The following CDHR2 variants were observed in gnomAD, a reference collection of about 807,000 sequenced individuals.
CDHR2 encodes the protein cadherin-related family member 2.
Under a neutral mutation model 138.6 loss-of-function variants are expected in CDHR2, and 104 were observed. The observed-to-expected ratio is 0.75, with a 90% CI of 0.64 to 0.88. CDHR2 has a LOEUF of 0.88. CDHR2 is among the 40% of genes least tolerant of loss of function. CDHR2 has a pLI of 0.00. For synonymous variants in CDHR2, 755 were observed against 742.8 expected (o/e 1.02, Z -0.27); for missense variants, 1,624 against 1,727.6 (o/e 0.94, Z 1.06).
Position 176,551,316 on chromosome 5 carries a change from C to T in CDHR2, c.-16+1902C>T, listed in dbSNP as rs187467233. Among the ~76,000 whole-genome samples, 721 of 152,046 alleles carry T rather than the reference C, an allele frequency of 4.7e-3. 4 individuals are homozygous for T. The highest frequency in any genetic ancestry group is 7.8e-3 in the Non-Finnish European group (530 of 67,976). ...CCGAATAGCTGGGATTACAGGTGTGCGCCACCATGCCTGGCTAATTTTTGT... is the reference window on the plus strand; with the variant it reads ...CCGAATAGCTGGGATTACAGGTGTGTGCCACCATGCCTGGCTAATTTTTGT... On this transcript the variant is annotated intron_variant, in intron 1 of 31. Coordinates refer to ENST00000261944, the MANE Select transcript of CDHR2 (RefSeq NM_017675.6).
intron 31 of CDHR2, among the ~76,000 whole-genome samples, 177 bp from the exon 32 acceptor site, chr5:176,595,355 C>T (rs1300003073): frequency 6.6e-6 from 1 of 152,174 alleles, no homozygotes; most frequent in South Asian, 2.1e-4. Context: ...TCTGCATCAC[C>T]ATTAGCCAGG....
chr5:176,577,903 G>A (rs1758434470), intron 14 of CDHR2, 105 bp downstream of exon 14: 1 of 1,463,840 alleles, frequency 6.8e-7, no homozygotes, highest in South Asian at 1.3e-5. Context: ...GGGTGGCCAT[G>A]AGTGAATCTG....
rs75309017 is a variant in CDHR2, at chr5:176,576,421, C to A, written c.1194+236C>A. 0.056 allele frequency among the ~76,000 whole-genome samples: 8,543 copies of A among 152,012 alleles called. 341 individuals are homozygous for A. Among genetic ancestry groups the A allele is most frequent in the African/African-American group, 0.11 (4,386 of 41,424 alleles). ...ATGCTGAGTGGAGGCTGACGTAGAACGTCAGATGATGCTGAGTAGAACATC... is the reference window on the plus strand; with the variant it reads ...ATGCTGAGTGGAGGCTGACGTAGAAAGTCAGATGATGCTGAGTAGAACATC... On this transcript the variant is annotated intron_variant, in intron 12 of 31. Coordinates refer to ENST00000261944, the MANE Select transcript of CDHR2 (RefSeq NM_017675.6). This position sits in a 1 kb window ranked among gnomAD's most constrained non-coding sequence, Gnocchi z 4.5.
Position 176,590,326 on chromosome 5 carries a change from A to C in CDHR2, c.3349A>C (p.Ser1117Arg). 1.9e-6 allele frequency: 3 copies of C among 1,613,984 alleles called. No homozygotes were observed. The highest frequency in any genetic ancestry group is 2.5e-6 in the Non-Finnish European group (3 of 1,179,982). ...GTCAGCCCTGACCCTTGATGAGCTGAGTGTGTGAGTGGGGCTGCCCTTGGG... is the reference window on the plus strand; with the variant it reads ...GTCAGCCCTGACCCTTGATGAGCTGCGTGTGTGAGTGGGGCTGCCCTTGGG... ...NGSALTLDEL[S>R]VMIRNDQDSL... Residue 1117 changes from serine to arginine, a missense_variant, in exon 26 of 32, where the codon AGT becomes CGT. By Grantham distance (110) the Ser-to-Arg change is moderately radical (BLOSUM62 -1). Coordinates refer to ENST00000261944, the MANE Select transcript of CDHR2 (RefSeq NM_017675.6).
In CDHR2 at chr5:176,592,727, A is replaced by C; in HGVS notation, c.3739A>C (p.Asn1247His). Residue 1247 changes from asparagine to histidine, a missense_variant, in exon 31 of 32, where the codon AAC becomes CAC. Around this residue, in one of 3 missense-constraint regions of CDHR2, gnomAD observed 556 missense variants for 565.7 expected, o/e 0.98. Coordinates refer to ENST00000261944, the MANE Select transcript of CDHR2 (RefSeq NM_017675.6). ...PSNDLDSVSV[N>H]SLDDNSVDVD... ...GCTCCATCACCTCTCTTACAGCGTC[A>C]ACTCCCTGGACGACAACTCTGTGGA... is the stretch of plus-strand genomic sequence containing the variant. 6.2e-7 allele frequency: 1 copy of C among 1,613,780 alleles called. No homozygotes were observed. Among genetic ancestry groups the C allele is most frequent in the Non-Finnish European group, 8.5e-7 (1 of 1,179,816 alleles).
rs766921391 is a variant in CDHR2 at position 176,578,495 on chromosome 5, T to A, written c.1705T>A (p.Ser569Thr). ...QATDGGNLSS[S>T]TTLQIHLLDI... Reference sequence around the variant, plus strand: ...CACAGACGGCGGGAACCTGTCCTCCTCCACCACACTGCAGATCCACCTGCT... The same window carrying A: ...CACAGACGGCGGGAACCTGTCCTCCACCACCACACTGCAGATCCACCTGCT... Residue 569 changes from serine (S) to threonine (T), a missense_variant, in exon 16 of 32, where the codon TCC becomes ACC. Coordinates refer to ENST00000261944, the MANE Select transcript of CDHR2 (RefSeq NM_017675.6). 6.2e-7 allele frequency: 1 copy of A among 1,613,974 alleles called. No individual in the cohort carries two copies. The highest frequency in any genetic ancestry group is 1.7e-5 in the Admixed American group (1 of 59,998).
At position 176,578,617 on chromosome 5, in the gene CDHR2, C is replaced by T. The variant is rs1403356650; in HGVS notation, c.1818+9C>T. 6.2e-7 allele frequency: 1 copy of T among 1,607,242 alleles called. No individual in the cohort carries two copies. The highest frequency in any genetic ancestry group is 1.7e-5 in the Admixed American group (1 of 60,020). On this transcript the variant is annotated intron_variant, in intron 16 of 31. Coordinates refer to ENST00000261944, the MANE Select transcript of CDHR2 (RefSeq NM_017675.6). ...TCTCCGTGACCATCCAGGTGTGAGC[C>T]TGCCTGGACCTGGTGGGTAAGGCTG...
rs1276336486 is a variant in CDHR2, at chr5:176,561,841, T to C, written c.-15-3497T>C. On this transcript the variant is annotated intron_variant, in intron 1 of 31. Coordinates refer to ENST00000261944, the MANE Select transcript of CDHR2 (RefSeq NM_017675.6). ...TTTTAGTAGAGATGGGGTTTCACCA[T>C]GTTGGCCAGGCTGCTCTCAAACTCC... Among the ~76,000 whole-genome samples the C allele has an allele frequency of 3.3e-5, 5 of 152,100 alleles. No homozygotes were observed. The East Asian group carries it at 9.6e-4, about 29-fold the overall frequency.
chr5:176,581,565 G>A lies in CDHR2; in HGVS notation c.2041G>A (p.Val681Ile), dbSNP rs1401892823. The change falls in exon 17 of 32, where the codon GTC becomes ATC. Residue 681 changes from valine to isoleucine, a missense_variant. By Grantham distance (29) the Val-to-Ile change is conservative. Coordinates refer to ENST00000261944, the MANE Select transcript of CDHR2 (RefSeq NM_017675.6). ...GEPVLGTKVN[V>I]TITVEDINDN... ...GCCTGTCCTCGGCACCAAAGTCAAT[G>A]TCACCATCACTGTGGAGGTAAGGCC... 7.4e-6 allele frequency: 12 copies of A among 1,613,864 alleles called. No individual in the cohort carries two copies. The highest frequency in any genetic ancestry group is 1.0e-5 in the Non-Finnish European group (12 of 1,180,040).
intron 24 of CDHR2, 144 bp downstream of exon 24, chr5:176,589,760 C>T: frequency 1.3e-6 from 1 of 742,532 alleles, no homozygotes. Context: ...TGTACTTTCA[C>T]CTGCACGACG....
intron 1 of CDHR2, among the ~76,000 whole-genome samples, chr5:176,557,686 TTTTCTTTCTTTC>T (rs5873539): frequency 2.0e-3 from 278 of 137,060 alleles, no homozygotes; most frequent in African/African-American, 6.3e-3. Flanking sequence ...GTTGATTTTT[TTTTCTTTCTTTC>T]TTTCTTTCTT....
chr5:176,575,827 G>C lies in CDHR2; in HGVS notation c.948G>C (p.Gln316His). 1.3e-6 allele frequency: 2 copies of C among 1,550,578 alleles called. No individual in the cohort carries two copies. Among genetic ancestry groups the C allele is most frequent in the Non-Finnish European group, 8.7e-7 (1 of 1,146,394 alleles). Residue 316 changes from glutamine to histidine, a missense_variant, in exon 11 of 32, where the codon CAG (glutamine) becomes CAC (histidine). This residue lies in a region of CDHR2 where 1,061 missense variants were observed against 1,136.6 expected (regional missense o/e 0.93). Transcript: ENST00000261944. ...TGCTGGAGGCGGATGAGGAGGTGCAGCTGCAGGTCACGGTGAGCAAAGGCC... is the reference window on the plus strand; with the variant it reads ...TGCTGGAGGCGGATGAGGAGGTGCACCTGCAGGTCACGGTGAGCAAAGGCC... ...EQLLEADEEVQLQVTATETHL... is the reference protein window; with the variant it reads ...EQLLEADEEVHLQVTATETHL...
chr5:176,582,792 A>T (rs1758560513), intron 17 of CDHR2, among the ~76,000 whole-genome samples: 1 of 152,122 alleles, frequency 6.6e-6, no homozygotes, highest in East Asian at 1.9e-4. Context: ...AAAAAAAGAA[A>T]CTGAGGCACA....
At chr5:176,595,406 G>A in intron 31 of CDHR2, 126 bp from the exon 32 acceptor site, 1 of 1,063,404 alleles carries the variant, frequency 9.4e-7, no homozygotes, top group Non-Finnish European at 1.3e-6. Context: ...GCCCCAGGAG[G>A]GGCAGGGTGG....
rs565382865 is a variant in CDHR2 at position 176,575,398 on chromosome 5, C to T, written c.740C>T (p.Ser247Leu). The T allele has an allele frequency of 1.8e-5, 29 of 1,614,226 alleles. No homozygotes were observed. The Admixed American group carries it at 2.2e-4, about 12-fold the overall frequency. Residue 247 changes from serine to leucine, a missense_variant, in exon 9 of 32, where the codon TCG (serine) becomes TTG (leucine). Physicochemically the swap from Ser to Leu is moderately radical, Grantham distance 145. This residue lies in a region of CDHR2 where 1,061 missense variants were observed against 1,136.6 expected (regional missense o/e 0.93). Coordinates refer to ENST00000261944, the MANE Select transcript of CDHR2 (RefSeq NM_017675.6). ...CCCCAGTTTGTCAGGGAGTTTTACT[C>T]GGCCTCTGTGGCTGAGGATGCAGCC... is the stretch of plus-strand genomic sequence containing the variant. ...LDPQFVREFYSASVAEDAAKG... is the reference protein window; with the variant it reads ...LDPQFVREFYLASVAEDAAKG...
intron 16 of CDHR2, among the ~76,000 whole-genome samples, chr5:176,580,644 G>A (rs1758510654): frequency 6.6e-6 from 1 of 152,082 alleles, no homozygotes; most frequent in African/African-American, 2.4e-5. Flanking sequence ...GGAAGCTGAG[G>A]CAGGTGGATC....
intron 21 of CDHR2, among the ~76,000 whole-genome samples, chr5:176,587,827 A>T (rs1427302155): frequency 6.6e-6 from 1 of 152,140 alleles, no homozygotes; most frequent in Non-Finnish European, 1.5e-5. Flanking sequence ...GGGGATAGTA[A>T]TTCTCCCTCT....
rs760057070 is a variant in CDHR2, at chr5:176,584,200, A to G, written c.2069A>G (p.Asp690Gly). ...TGTCTCTGACTGCAGGACATCAATG[A>G]TAACCTGCCCATCTTCAATCAGTCC... ...NVTITVEDIN[D>G]NLPIFNQSSY... is the part of the protein sequence containing the mutation. The change falls in exon 18 of 32, where the codon GAT (aspartate) becomes GGT (glycine). Residue 690 changes from aspartate to glycine, a missense_variant. Coordinates refer to ENST00000261944, the MANE Select transcript of CDHR2 (RefSeq NM_017675.6). 1 of 1,614,108 alleles carries G rather than the reference A, an allele frequency of 6.2e-7. No homozygotes were observed. Among genetic ancestry groups the G allele is most frequent in the Admixed American group, 1.7e-5 (1 of 60,012 alleles).
intron 19 of CDHR2, 102 bp downstream of exon 19, chr5:176,585,117 T>C: frequency 1.5e-6 from 2 of 1,301,966 alleles, no homozygotes; most frequent in Non-Finnish European, 2.0e-6. Context: ...AGATCTTGGC[T>C]CCAGCCCTTT....
Sources: allele counts gnomAD v4.1 joint callset (sites outside exome capture counted in the v4.1 genomes callset), GRCh38; gene constraint gnomAD v4.1.1; regional missense constraint gnomAD v4.1.1; non-coding constraint Gnocchi (gnomAD v3.1); transcripts MANE v1.5; gene names NCBI Gene and HGNC (gene_info 2026-07-23, HGNC 2026-07-21).